PAK5: variants seen among roughly 807,000 people sequenced by gnomAD.
PAK5 encodes the protein serine/threonine-protein kinase PAK 5.
PAK5 carries 16 observed loss-of-function variants against 65.9 expected under a neutral mutation model. The ratio of observed to expected loss-of-function variants is 0.24; its 90% CI spans 0.16 to 0.37. PAK5 has a LOEUF of 0.37. Among genes scored for constraint, PAK5 ranks in the 10% least tolerant of loss-of-function variants. The pLI is 1.00. For missense variants in PAK5, 785 were observed against 903.9 expected (o/e 0.87, Z 1.69); for synonymous variants, 371 against 354.9 (o/e 1.05, Z -0.51).
chr20:9,838,170 C>A lies in PAK5; in HGVS notation c.-162+592G>T, dbSNP rs1979303912. On this transcript the variant is annotated intron_variant, in intron 1 of 9. Coordinates refer to ENST00000353224, the MANE Select transcript of PAK5 (RefSeq NM_177990.4). This position sits in a 1 kb window ranked among gnomAD's most constrained non-coding sequence, Gnocchi z 4.5. Reference sequence around the variant, plus strand: ...AAGTTCTCTCTCTGTCTCTCCATTACAACCCACCAGGCGCGCGCGCACACA... The same window carrying A: ...AAGTTCTCTCTCTGTCTCTCCATTAAAACCCACCAGGCGCGCGCGCACACA... Among the ~76,000 whole-genome samples, 1 of 150,108 alleles carries A rather than the reference C, an allele frequency of 6.7e-6. No individual in the cohort carries two copies. Among genetic ancestry groups the A allele is most frequent in the Non-Finnish European group, 1.5e-5 (1 of 67,846 alleles).
chr20:9,738,548 T>G (rs941556997), intron 1 of PAK5, among the ~76,000 whole-genome samples: 6 of 152,138 alleles, frequency 3.9e-5, no homozygotes, highest in Admixed American at 2.6e-4. Flanking sequence ...TATGCTGAGT[T>G]AAGGAAGCCA....
chr20:9,540,789 T>C (rs1380049721), intron 9 of PAK5, among the ~76,000 whole-genome samples: 1 of 150,962 alleles, frequency 6.6e-6, no homozygotes, highest in Non-Finnish European at 1.5e-5. Flanking sequence ...TAGGCTGGAG[T>C]GCAGTGGTGC....
chr20:9,538,306 TAG>T lies in PAK5; in HGVS notation c.*1154_*1155del, dbSNP rs981999970. 4 of 233,568 alleles carry T rather than the reference TAG, an allele frequency of 1.7e-5. No individual in the cohort carries two copies. The highest frequency in any genetic ancestry group is 8.8e-5 in the African/African-American group (4 of 45,358). The allele number at this position is 233,568 out of a possible 1,614,324, so 14.5% of individuals were successfully genotyped here. ...AATACCCTCTTGCTAATTCATCCTC[TAG>T]AGTCAGTTCAGACTTCCAGCACGAT... On this transcript the variant is annotated 3_prime_UTR_variant, in exon 10 of 10. Coordinates refer to ENST00000353224, the MANE Select transcript of PAK5 (RefSeq NM_177990.4).
chr20:9,774,731 C>CA (rs999365378), intron 1 of PAK5, among the ~76,000 whole-genome samples: 21 of 151,968 alleles, frequency 1.4e-4, no homozygotes, highest in Non-Finnish European at 2.9e-4. Context: ...ATCACGAGGT[C>CA]AGGAGATCGA....
At chr20:9,638,808 G>C (rs1475038495) in intron 3 of PAK5, among the ~76,000 whole-genome samples, 1 of 152,190 alleles carries the variant, frequency 6.6e-6, no homozygotes, top group Non-Finnish European at 1.5e-5. Context: ...AATCAAGGAA[G>C]AGTGTTGGTG....
intron 2 of PAK5, among the ~76,000 whole-genome samples, chr20:9,698,728 C>A (rs1195447622): frequency 6.6e-6 from 1 of 152,158 alleles, no homozygotes; most frequent in East Asian, 1.9e-4. Flanking sequence ...CTCAGGACTG[C>A]ACTGCTGTCT....
chr20:9,672,198 A>G (rs1333485169), intron 2 of PAK5, among the ~76,000 whole-genome samples: 1 of 151,672 alleles, frequency 6.6e-6, no homozygotes, highest in Admixed American at 6.6e-5. Context: ...TTTCCATGAA[A>G]ATTTTTTACT....
chr20:9,725,602 A>G (rs1210353875), intron 1 of PAK5, among the ~76,000 whole-genome samples: 1 of 152,206 alleles, frequency 6.6e-6, no homozygotes, highest in Non-Finnish European at 1.5e-5. Context: ...TTTGGTTCTT[A>G]TTCGATAAAT....
chr20:9,696,265 A>G (rs1333371252), intron 2 of PAK5, among the ~76,000 whole-genome samples: 1 of 152,126 alleles, frequency 6.6e-6, no homozygotes, highest in Non-Finnish European at 1.5e-5. Flanking sequence ...GACCATCAGC[A>G]TAGGTATCAC....
intron 1 of PAK5, among the ~76,000 whole-genome samples, chr20:9,836,544 GT>G (rs1979162309): frequency 6.6e-6 from 1 of 152,186 alleles, no homozygotes; most frequent in Admixed American, 6.5e-5. Context: ...TCCCTTAGAG[GT>G]TTTGGAGGGT....
At chr20:9,829,339 C>G (rs114599773) in intron 1 of PAK5, among the ~76,000 whole-genome samples, 1 of 152,038 alleles carries the variant, frequency 6.6e-6, no homozygotes, top group African/African-American at 2.4e-5. Context: ...GTTCAAGGAC[C>G]TCAGATAAAA....
At chr20:9,706,924 G>GTCTGTCACTTTTTCATAAACATATTAT (rs2048015639) in intron 2 of PAK5, among the ~76,000 whole-genome samples, 1 of 151,906 alleles carries the variant, frequency 6.6e-6, no homozygotes, top group Non-Finnish European at 1.5e-5. Context: ...CTTCCCATTT[G>GTCTGTCACTTTTTCATAAACATATTAT]TCTGTCACTT....
At chr20:9,592,177 C>G (rs1249508831) in intron 3 of PAK5, among the ~76,000 whole-genome samples, 2 of 152,074 alleles carry the variant, frequency 1.3e-5, no homozygotes, top group African/African-American at 4.8e-5. Context: ...ACTCTAAGAA[C>G]TCTAAAAGCA....
At chr20:9,801,270 TG>T (rs1438127076) in intron 1 of PAK5, among the ~76,000 whole-genome samples, 1 of 152,028 alleles carries the variant, frequency 6.6e-6, no homozygotes, top group Non-Finnish European at 1.5e-5. Context: ...TTACTAGCCA[TG>T]GGGGAAAATA....
chr20:9,763,506 T>C (rs1352526033), intron 1 of PAK5, among the ~76,000 whole-genome samples: 1 of 151,750 alleles, frequency 6.6e-6, no homozygotes, highest in Non-Finnish European at 1.5e-5. Context: ...ATATCAAAAA[T>C]AAACCAATAA....
intron 3 of PAK5, among the ~76,000 whole-genome samples, chr20:9,626,399 T>G (rs1243468800): frequency 6.6e-6 from 1 of 152,220 alleles, no homozygotes; most frequent in Non-Finnish European, 1.5e-5. Context: ...ATTTTAAAAT[T>G]TTGAAGGCAA....
intron 2 of PAK5, among the ~76,000 whole-genome samples, chr20:9,688,931 A>G (rs1276217426): frequency 4.6e-5 from 7 of 152,148 alleles, no homozygotes; most frequent in African/African-American, 1.7e-4. Flanking sequence ...GTACCACTGC[A>G]CCAACGTAGT....
At chr20:9,775,056 C>A (rs908048370) in intron 1 of PAK5, among the ~76,000 whole-genome samples, 1 of 152,232 alleles carries the variant, frequency 6.6e-6, no homozygotes. Context: ...CTAGAAGAGG[C>A]TATACTAACT....
At chr20:9,622,488 G>A (rs1947781324) in intron 3 of PAK5, among the ~76,000 whole-genome samples, 1 of 152,136 alleles carries the variant, frequency 6.6e-6, no homozygotes, top group Admixed American at 6.5e-5. Flanking sequence ...GTAAACATGA[G>A]GAGGAGGGGG....
Sources: allele counts gnomAD v4.1 joint callset (sites outside exome capture counted in the v4.1 genomes callset), GRCh38; gene constraint gnomAD v4.1.1; non-coding constraint Gnocchi (gnomAD v3.1); transcripts MANE v1.5; gene names NCBI Gene and HGNC (gene_info 2026-07-23, HGNC 2026-07-21).